Variants in RBM19 observed in about 807,000 individuals in gnomAD.
RBM19 encodes the protein probable RNA-binding protein 19.
A neutral mutation model predicts 116.8 loss-of-function variants in RBM19; 94 were observed. That is an observed-to-expected ratio of 0.80 (90% CI 0.68 to 0.95). The LOEUF (loss-of-function observed/expected upper bound fraction) is 0.95, where lower values mean the gene tolerates loss of function less well. Among genes scored for constraint, RBM19 ranks in the 40% least tolerant of loss-of-function variants. The pLI is 0.00. For missense variants in RBM19, 1,161 were observed against 1,220.7 expected (o/e 0.95, Z 0.73); for synonymous variants, 475 against 494.1 (o/e 0.96, Z 0.51).
chr12:113,927,005 G>T, intron 17 of RBM19, 49 bp downstream of exon 17: 1 of 1,569,316 alleles, frequency 6.4e-7, no homozygotes, highest in Non-Finnish European at 8.7e-7. Flanking sequence ...TCAGTAGACT[G>T]GGGTTTCCCA....
intron 21 of RBM19, among the ~76,000 whole-genome samples, chr12:113,894,379 C>T (rs773246118): frequency 6.6e-6 from 1 of 152,166 alleles, no homozygotes; most frequent in African/African-American, 2.4e-5. Flanking sequence ...AAAATACAAA[C>T]AGAACATGCC....
At chr12:113,841,136 G>A (rs763074557) in intron 23 of RBM19, among the ~76,000 whole-genome samples, 3 of 152,336 alleles carry the variant, frequency 2.0e-5, no homozygotes, top group East Asian at 1.9e-4. Context: ...ACTCAAGCCC[G>A]CCCTGAGGGG....
chr12:113,887,358 T>C (rs1368582954), intron 21 of RBM19, among the ~76,000 whole-genome samples: 1 of 151,998 alleles, frequency 6.6e-6, no homozygotes, highest in Non-Finnish European at 1.5e-5. Context: ...CAACACTGGC[T>C]GGGCGCAGTG....
chr12:113,927,085 T>C lies in RBM19; in HGVS notation c.2213A>G (p.Asn738Ser). 1.2e-6 allele frequency: 2 copies of C among 1,613,602 alleles called. No individual in the cohort carries two copies. Among genetic ancestry groups the C allele is most frequent in the South Asian group, 1.1e-5 (1 of 91,036 alleles). Residue 738 changes from asparagine to serine, a missense_variant, in exon 17 of 24, where the codon AAT (asparagine) becomes AGT (serine). Coordinates refer to ENST00000261741, the MANE Select transcript of RBM19 (RefSeq NM_016196.4). ...CAGCTTCTCTTCTGTTGTGTCAAAA[T>C]TGAGATTCTTAATAAACAGAGTACA... ...PGCTLFIKNL[N>S]FDTTEEKLKE...
Position 113,825,902 on chromosome 12 carries a change from C to T in RBM19, c.2786-2581G>A, listed in dbSNP as rs1216941061. Among the ~76,000 whole-genome samples, 1 of 152,208 alleles carries T rather than the reference C, an allele frequency of 6.6e-6. No individual in the cohort carries two copies. The highest frequency in any genetic ancestry group is 1.9e-4 in the East Asian group (1 of 5,190). On this transcript the variant is annotated intron_variant, in intron 23 of 23. Coordinates refer to ENST00000261741, the MANE Select transcript of RBM19 (RefSeq NM_016196.4). The surrounding 1 kb of genome is among the most constrained non-coding windows in gnomAD (Gnocchi z 5.7). ...AAATCCTCCATCACGGCATGCTGTT[C>T]CTTTGCTCAAGCCTCCAGGGGCACC...
At chr12:113,885,487 G>A (rs1411539872) in intron 21 of RBM19, among the ~76,000 whole-genome samples, 2 of 152,168 alleles carry the variant, frequency 1.3e-5, no homozygotes, top group Non-Finnish European at 2.9e-5. Flanking sequence ...AGTTGTTTCC[G>A]GTTCTATGGA....
intron 21 of RBM19, among the ~76,000 whole-genome samples, chr12:113,872,475 T>G (rs1593514136): frequency 2.6e-5 from 3 of 116,636 alleles, no homozygotes; most frequent in Admixed American, 9.2e-5. Context: ...TACTGGGAGG[T>G]GGGGAGCCCC....
At chr12:113,893,771 A>G (rs1022657061) in intron 21 of RBM19, among the ~76,000 whole-genome samples, 39 of 152,348 alleles carry the variant, frequency 2.6e-4, no homozygotes, top group African/African-American at 9.4e-4. Flanking sequence ...TAAAATGAGA[A>G]AAATACAGGT....
intron 23 of RBM19, among the ~76,000 whole-genome samples, chr12:113,842,335 G>A (rs1876560612): frequency 6.6e-6 from 1 of 152,270 alleles, no homozygotes; most frequent in South Asian, 2.1e-4. Context: ...CTCCACTCCA[G>A]GGAGAGTCCC....
At chr12:113,845,807 C>G (rs1002673029) in intron 22 of RBM19, among the ~76,000 whole-genome samples, 1 of 152,198 alleles carries the variant, frequency 6.6e-6, no homozygotes, top group Admixed American at 6.5e-5. Context: ...ACAGAGAGGC[C>G]GTGAGCTTAG....
chr12:113,926,928 G>T (rs1869130725), intron 17 of RBM19, 126 bp downstream of exon 17: 1 of 1,113,906 alleles, frequency 9.0e-7, no homozygotes, highest in Non-Finnish European at 1.3e-6. Flanking sequence ...AGGTGGTGCT[G>T]GTTATTGCTC....
intron 21 of RBM19, among the ~76,000 whole-genome samples, chr12:113,890,984 G>A (rs888673326): frequency 1.5e-5 from 2 of 132,070 alleles, no homozygotes; most frequent in Non-Finnish European, 3.2e-5. Flanking sequence ...TTTTTTTTTT[G>A]TAGAGACAGG....
intron 23 of RBM19, among the ~76,000 whole-genome samples, chr12:113,837,022 C>T (rs947892672): frequency 2.7e-5 from 4 of 146,694 alleles, no homozygotes; most frequent in African/African-American, 1.0e-4. Flanking sequence ...CACACACACA[C>T]ACACACACAC....
intron 7 of RBM19, 39 bp downstream of exon 7, chr12:113,955,092 C>G (rs1871801516): frequency 6.2e-7 from 1 of 1,600,120 alleles, no homozygotes; most frequent in Non-Finnish European, 8.6e-7. Flanking sequence ...GTCTCCTGCT[C>G]CCGCAGGCTG....
chr12:113,885,458 C>T (rs192867009), intron 21 of RBM19, among the ~76,000 whole-genome samples: 1 of 152,220 alleles, frequency 6.6e-6, no homozygotes, highest in African/African-American at 2.4e-5. Context: ...ACGTGTGGTT[C>T]TGGATGGGGT....
At chr12:113,830,101 G>C (rs1035125417) in intron 23 of RBM19, among the ~76,000 whole-genome samples, 1 of 152,190 alleles carries the variant, frequency 6.6e-6, no homozygotes, top group Admixed American at 6.5e-5. Flanking sequence ...GATAGGGTTG[G>C]CTCCAGCCTT....
intron 5 of RBM19, 38 bp from the exon 6 acceptor site, chr12:113,958,088 G>A: frequency 6.3e-7 from 1 of 1,576,116 alleles, no homozygotes; most frequent in Non-Finnish European, 8.6e-7. Flanking sequence ...CGACAGCTAT[G>A]AGCAAACCAG....
At chr12:113,875,090 C>T (rs184416585) in intron 21 of RBM19, among the ~76,000 whole-genome samples, 4 of 152,342 alleles carry the variant, frequency 2.6e-5, no homozygotes, top group South Asian at 2.1e-4. Context: ...GGCGAAGCCA[C>T]GGTGCGGACC....
At chr12:113,864,194 A>G (rs1412891194) in intron 21 of RBM19, among the ~76,000 whole-genome samples, 1 of 152,186 alleles carries the variant, frequency 6.6e-6, no homozygotes, top group Non-Finnish European at 1.5e-5. Context: ...TGCTTTGCTA[A>G]GAGCTCACAC....
Sources: gnomAD v4.1 joint callset for allele counts (sites outside exome capture counted in the v4.1 genomes callset) on GRCh38, gnomAD v4.1.1 for gene constraint, Gnocchi (gnomAD v3.1) non-coding constraint, MANE v1.5 for transcripts, NCBI Gene and HGNC (gene_info 2026-07-23, HGNC 2026-07-21) for gene names.